The following PCBP3 variants were observed in gnomAD, a reference collection of about 807,000 sequenced individuals.
The protein encoded by PCBP3 is poly(rC)-binding protein 3.
PCBP3 carries 25 observed loss-of-function variants against 52.7 expected under a neutral mutation model. The ratio of observed to expected loss-of-function variants is 0.47; its 90% confidence interval spans 0.35 to 0.66. The LOEUF (loss-of-function observed/expected upper bound fraction) is 0.66. PCBP3 is among the 30% of genes least tolerant of loss of function. The pLI, the probability that PCBP3 is intolerant of heterozygous loss-of-function variation, is 0.01. For missense variants in PCBP3, 391 were observed against 490.3 expected (o/e 0.80, Z 1.91); for synonymous variants, 162 against 183.0 (o/e 0.89, Z 0.93).
intron 13 of PCBP3, among the ~76,000 whole-genome samples, chr21:45,926,000 G>A (rs186008685): frequency 4.5e-4 from 69 of 152,300 alleles, no homozygotes; most frequent in Non-Finnish European, 9.1e-4. Flanking sequence ...AGAATTCATG[G>A]AGACATTTAC....
intron 9 of PCBP3, among the ~76,000 whole-genome samples, chr21:45,905,384 C>T (rs2096175922): frequency 6.6e-6 from 1 of 152,256 alleles, no homozygotes; most frequent in Non-Finnish European, 1.5e-5. Context: ...CCAGAGCATC[C>T]ACCGCCATGG....
chr21:45,921,546 T>TA (rs1286317334), intron 13 of PCBP3, among the ~76,000 whole-genome samples: 6 of 152,260 alleles, frequency 3.9e-5, no homozygotes, highest in Non-Finnish European at 8.8e-5. Flanking sequence ...CTGGGTGTGG[T>TA]AGCTCAAGCC....
At chr21:45,750,244 C>T (rs1183032827) in intron 3 of PCBP3, 1 of 152,326 alleles carries the variant, frequency 6.6e-6, no homozygotes, top group Non-Finnish European at 1.5e-5. Flanking sequence ...CTGCAAGAAG[C>T]CCCTGGAAGA....
intron 4 of PCBP3, among the ~76,000 whole-genome samples, chr21:45,794,132 G>GT (rs2091789192): frequency 6.6e-6 from 1 of 152,194 alleles, no homozygotes; most frequent in African/African-American, 2.4e-5. Context: ...AAACTTCAGG[G>GT]TTTTTTTCAG....
rs2096455915 is a variant in PCBP3 at position 45,913,991 on chromosome 21, C to T, written c.641C>T (p.Pro214Leu). The T allele has an allele frequency of 1.2e-6, 2 of 1,613,634 alleles. No individual in the cohort carries two copies. Among genetic ancestry groups the T allele is most frequent in the African/African-American group, 2.7e-5 (2 of 74,934 alleles). ...KGATIPYRPKPASTPVIFAGG... is the reference protein window; with the variant it reads ...KGATIPYRPKLASTPVIFAGG... The stretch of plus-strand genomic sequence containing the variant: ...GCCACCATTCCCTACCGCCCAAAGC[C>T]CGCCTCCACCCCTGTCATTTTTGCA... The change falls in exon 12 of 18, where the codon CCC (proline) becomes CTC (leucine). Residue 214 changes from proline (P) to leucine (L), a missense_variant. Physicochemically the swap from Pro to Leu is moderately conservative, Grantham distance 98. Transcript: ENST00000681687.
chr21:45,925,769 A>G (rs1294947344), intron 13 of PCBP3, among the ~76,000 whole-genome samples: 2 of 152,226 alleles, frequency 1.3e-5, no homozygotes, highest in African/African-American at 4.8e-5. Flanking sequence ...TCACAAGAAG[A>G]TATAATTCAA....
intron 5 of PCBP3, among the ~76,000 whole-genome samples, chr21:45,862,324 G>C (rs962439919): frequency 6.6e-6 from 1 of 152,118 alleles, no homozygotes; most frequent in Admixed American, 6.5e-5. Context: ...TGCACAAAAT[G>C]CAATACCGTG....
intron 4 of PCBP3, among the ~76,000 whole-genome samples, chr21:45,793,665 G>A (rs542614153): frequency 6.6e-6 from 1 of 152,320 alleles, no homozygotes; most frequent in East Asian, 1.9e-4. Context: ...AGACTCCACA[G>A]GGGCTCTGCA....
At chr21:45,660,138 TACAC>T (rs544794740) in intron 1 of PCBP3, among the ~76,000 whole-genome samples, 1 of 151,946 alleles carries the variant, frequency 6.6e-6, no homozygotes, top group Non-Finnish European at 1.5e-5. Context: ...TTTATATGTA[TACAC>T]ACACACATAT....
rs374920412 is a variant in PCBP3, at chr21:45,739,220, G to C, written c.-162+3791G>C. Among the ~76,000 whole-genome samples the C allele has an allele frequency of 5.7e-4, 70 of 121,930 alleles. 2 individuals carry two copies. In the South Asian group the frequency reaches 0.019, roughly 33 times the overall value. The allele number at this position is 121,930 out of a possible 152,430, so 80.0% of individuals were successfully genotyped here. ...CCCCTTCCTGCCCATTGTCCTCTGG[G>C]TGGCACCCCCCATCTTCATCAGCCC... On this transcript the variant is annotated intron_variant, in intron 3 of 17. Transcript: ENST00000681687.
At chr21:45,708,225 G>T (rs2083586554) in intron 2 of PCBP3, among the ~76,000 whole-genome samples, 1 of 152,154 alleles carries the variant, frequency 6.6e-6, no homozygotes, top group Admixed American at 6.5e-5. Context: ...GGGATAGGTT[G>T]CAGCTTTTCT....
At chr21:45,898,445 C>G (rs2149055328) in intron 6 of PCBP3, among the ~76,000 whole-genome samples, 1 of 151,626 alleles carries the variant, frequency 6.6e-6, no homozygotes, top group South Asian at 2.1e-4. Context: ...CACAGCCTCC[C>G]TCTGCACACC....
At chr21:45,932,804 T>A (rs547385672) in intron 15 of PCBP3, among the ~76,000 whole-genome samples, 3 of 147,258 alleles carry the variant, frequency 2.0e-5, no homozygotes, top group African/African-American at 7.6e-5. Context: ...CCGAGATGAA[T>A]GAACACATCG....
chr21:45,656,853 G>T lies in PCBP3; in HGVS notation c.-278-12021G>T, dbSNP rs535918454. The stretch of plus-strand genomic sequence containing the variant: ...TCTTTCTTTCTTGAGACAGAGTTTT[G>T]CTCTGTCGCCTAGGCTAGAGTGCAG... On this transcript the variant is annotated intron_variant, in intron 1 of 17. Transcript: ENST00000681687. This position sits in a 1 kb window ranked among gnomAD's most constrained non-coding sequence, Gnocchi z 4.3. 6.6e-6 allele frequency among the ~76,000 whole-genome samples: 1 copy of T among 152,112 alleles called. No homozygotes were observed. The highest frequency in any genetic ancestry group is 1.5e-5 in the Non-Finnish European group (1 of 68,010).
chr21:45,768,804 C>T (rs766316319), intron 4 of PCBP3, among the ~76,000 whole-genome samples: 4 of 152,224 alleles, frequency 2.6e-5, no homozygotes, highest in South Asian at 4.1e-4. Flanking sequence ...TGGCTGAGGA[C>T]GTGCTGTGCC....
intron 2 of PCBP3, among the ~76,000 whole-genome samples, chr21:45,719,686 TG>T (rs2084484278): frequency 6.6e-6 from 1 of 152,192 alleles, no homozygotes; most frequent in Non-Finnish European, 1.5e-5. Context: ...CTGCCGTGAT[TG>T]TAAGTTTCCT....
intron 13 of PCBP3, among the ~76,000 whole-genome samples, chr21:45,923,107 GC>G (rs1413358844): frequency 6.6e-6 from 1 of 152,258 alleles, no homozygotes; most frequent in East Asian, 1.9e-4. Flanking sequence ...TGAAGGGCAC[GC>G]GTGGGCTCTT....
In PCBP3 at chr21:45,802,649, G is replaced by T. The variant is rs2092350001; in HGVS notation, c.-126+47197G>T. 6.6e-6 allele frequency among the ~76,000 whole-genome samples: 1 copy of T among 152,166 alleles called. No individual in the cohort carries two copies. Among genetic ancestry groups the T allele is most frequent in the South Asian group, 2.1e-4 (1 of 4,824 alleles). On this transcript the variant is annotated intron_variant, in intron 4 of 17. Coordinates refer to ENST00000681687, the MANE Select transcript of PCBP3 (RefSeq NM_001384156.1). This position sits in a 1 kb window ranked among gnomAD's most constrained non-coding sequence, Gnocchi z 5.1. ...GGTGGGGCTCTAAGCAGGGCAGGAG[G>T]TCAGATTGTGTGTTTGGGATGTTCC...
intron 16 of PCBP3, among the ~76,000 whole-genome samples, chr21:45,939,828 C>T (rs942920232): frequency 2.7e-4 from 41 of 152,186 alleles, no homozygotes; most frequent in African/African-American, 9.4e-4. Context: ...GTGCTCTCAG[C>T]CTGACCTCGG....
Sources: gnomAD v4.1 joint callset for allele counts (sites outside exome capture counted in the v4.1 genomes callset) on GRCh38, gnomAD v4.1.1 for gene constraint, Gnocchi (gnomAD v3.1) non-coding constraint, MANE v1.5 for transcripts, NCBI Gene and HGNC (gene_info 2026-07-23, HGNC 2026-07-21) for gene names.